The following SLC18A1 variants were observed in gnomAD, a reference collection of about 807,000 sequenced individuals.
The protein encoded by SLC18A1 is chromaffin granule amine transporter.
In SLC18A1, 69 loss-of-function variants were observed where a neutral mutation model predicts 53.7. The ratio of observed to expected loss-of-function variants is 1.28; its 90% CI spans 1.06 to 1.57. The LOEUF (loss-of-function observed/expected upper bound fraction) is 1.57. Ranked by LOEUF, SLC18A1 falls within the 40% of genes most tolerant of loss-of-function variation. SLC18A1 has a pLI of 0.00. For missense variants in SLC18A1, 932 were observed against 668.1 expected, an observed-to-expected ratio of 1.40 and a Z score of -4.35; for synonymous variants, 320 against 248.1, an observed-to-expected ratio of 1.29 and a Z score of -2.72.
intron 10 of SLC18A1, among the ~76,000 whole-genome samples, chr8:20,163,091 A>C (rs2071869910): frequency 6.6e-6 from 1 of 152,202 alleles, no homozygotes; most frequent in Non-Finnish European, 1.5e-5. Context: ...TAAGAAGTTC[A>C]AAGGCAAGCC....
rs745428227 is a variant in SLC18A1 at position 20,147,293 on chromosome 8, A to G, written c.1429T>C (p.Tyr477His). 6.2e-7 allele frequency: 1 copy of G among 1,612,452 alleles called. No homozygotes were observed. Among genetic ancestry groups the G allele is most frequent in the Non-Finnish European group, 8.5e-7 (1 of 1,179,508 alleles). Residue 477 changes from tyrosine (Y) to histidine (H), a missense_variant, in exon 15 of 16, where the codon TAC becomes CAC. Physicochemically the swap from Tyr to His is moderately conservative, Grantham distance 83. Coordinates refer to ENST00000276373, the MANE Select transcript of SLC18A1 (RefSeq NM_003053.4). The part of the protein sequence containing the change: ...INIVYAPLCY[Y>H]LRSPPAKEEK... Reference sequence around the variant, plus strand: ...TCCTTTGCCGGGGGGCTCCGCAGGTAGTAGCAGAGTGGAGCATAGACGATG... The same window carrying G: ...TCCTTTGCCGGGGGGCTCCGCAGGTGGTAGCAGAGTGGAGCATAGACGATG...
intron 10 of SLC18A1, among the ~76,000 whole-genome samples, chr8:20,155,805 C>T (rs1222046895): frequency 6.6e-6 from 1 of 152,184 alleles, no homozygotes; most frequent in Non-Finnish European, 1.5e-5. Flanking sequence ...TGTCCTTAGG[C>T]ACCAAGGCTA....
chr8:20,150,378 G>A (rs1327686055), intron 11 of SLC18A1, among the ~76,000 whole-genome samples: 1 of 152,084 alleles, frequency 6.6e-6, no homozygotes, highest in Admixed American at 6.5e-5. Context: ...TCTCTGTTGT[G>A]GTTATTTTAT....
At chr8:20,159,381 C>T (rs2071760936) in intron 10 of SLC18A1, among the ~76,000 whole-genome samples, 1 of 152,170 alleles carries the variant, frequency 6.6e-6, no homozygotes, top group South Asian at 2.1e-4. Flanking sequence ...ACCACACCCA[C>T]CTTTAAACAA....
At chr8:20,166,841 T>C (rs1342735121) in intron 8 of SLC18A1, among the ~76,000 whole-genome samples, 1 of 151,996 alleles carries the variant, frequency 6.6e-6, no homozygotes, top group East Asian at 1.9e-4. Context: ...TGAAAAACTG[T>C]TTTCCTTATA....
intron 8 of SLC18A1, among the ~76,000 whole-genome samples, chr8:20,168,291 C>G (rs1429860233): frequency 6.6e-6 from 1 of 151,648 alleles, no homozygotes; most frequent in Non-Finnish European, 1.5e-5. Flanking sequence ...CACTTGAACC[C>G]AAGAGTTGGA....
rs772194244 is a variant in SLC18A1, at chr8:20,178,434, C to G, written c.547+1G>C. The G allele has an allele frequency of 7.9e-5, 127 of 1,608,772 alleles. No individual in the cohort carries two copies. The Admixed American group carries it at 2.1e-3, about 27-fold the overall frequency. ...AAGAAAAGAGGAAGCAAATTACTTA[C>G]TAACTGTGGAGAGAAACATGATAAC... On this transcript the variant is annotated splice_donor_variant, in intron 4 of 15. Coordinates refer to ENST00000276373, the MANE Select transcript of SLC18A1 (RefSeq NM_003053.4). LOFTEE classifies it high-confidence loss of function.
chr8:20,172,400 A>T (rs151007499), intron 6 of SLC18A1, among the ~76,000 whole-genome samples: 63 of 152,312 alleles, frequency 4.1e-4, no homozygotes, highest in South Asian at 1.2e-3. Context: ...ATGAGCTTGT[A>T]AGCTCCTAGA....
chr8:20,162,163 G>C (rs1175406121), intron 10 of SLC18A1, among the ~76,000 whole-genome samples: 1 of 152,210 alleles, frequency 6.6e-6, no homozygotes, highest in African/African-American at 2.4e-5. Flanking sequence ...GTCCCAAGGT[G>C]GTCCTGGGCA....
chr8:20,174,683 C>CA (rs1384120923), intron 4 of SLC18A1, among the ~76,000 whole-genome samples: 1 of 152,170 alleles, frequency 6.6e-6, no homozygotes, highest in African/African-American at 2.4e-5. Context: ...CACCACACAG[C>CA]AGATGGAAGG....
At chr8:20,174,582 G>T in intron 4 of SLC18A1, 138 bp from the exon 5 acceptor site, 4 of 617,556 alleles carry the variant, frequency 6.5e-6, no homozygotes, top group Non-Finnish European at 1.2e-5. Context: ...ACTGTTCCCT[G>T]TTTTTTGAGT....
chr8:20,147,377 C>T lies in SLC18A1; in HGVS notation c.1345G>A (p.Gly449Ser). ...AAACCGATGGCCTTTACAATGGCAC[C>T]ACCGGTGGATGGACCTGGGAGGGAT... is the stretch of plus-strand genomic sequence containing the variant. ...MGFAIGPSTG[G>S]AIVKAIGFPW... is the part of the protein sequence containing the mutation. Residue 449 changes from glycine (G) to serine (S), a missense_variant, in exon 15 of 16, where the codon GGT becomes AGT. Gly to Ser is a moderately conservative substitution (Grantham distance 56, BLOSUM62 0). Transcript: ENST00000276373. 1 of 1,610,484 alleles carries T rather than the reference C, an allele frequency of 6.2e-7. No homozygotes were observed. The highest frequency in any genetic ancestry group is 8.5e-7 in the Non-Finnish European group (1 of 1,178,806).
intron 8 of SLC18A1, among the ~76,000 whole-genome samples, chr8:20,167,682 A>G (rs2072003567): frequency 1.3e-5 from 2 of 151,968 alleles, no homozygotes; most frequent in African/African-American, 2.4e-5. Context: ...GTGCAGTGGC[A>G]TGATCTTGGC....
intron 8 of SLC18A1, among the ~76,000 whole-genome samples, chr8:20,168,438 T>C (rs1002725891): frequency 6.6e-6 from 1 of 152,134 alleles, no homozygotes; most frequent in African/African-American, 2.4e-5. Flanking sequence ...ACACTGATAA[T>C]ATCAGATAAA....
At chr8:20,158,647 G>C (rs1381649869) in intron 10 of SLC18A1, among the ~76,000 whole-genome samples, 1 of 152,150 alleles carries the variant, frequency 6.6e-6, no homozygotes, top group African/African-American at 2.4e-5. Context: ...CTATGCAACA[G>C]CCCCTGCAGT....
rs758129227 is a variant in SLC18A1, at chr8:20,171,424, G to A, written c.795C>T (p.Phe265=). 1.5e-5 allele frequency: 24 copies of A among 1,614,000 alleles called. No homozygotes were observed. The South Asian group carries it at 2.0e-4, about 13-fold the overall frequency. The change falls in exon 7 of 16, where the codon TTC becomes TTT. Residue 265 remains phenylalanine (F), a synonymous_variant. Coordinates refer to ENST00000276373, the MANE Select transcript of SLC18A1 (RefSeq NM_003053.4). ...GKSAPFLILA[F]LALLDGALQL... ...ACTTACCTCCATCCAGTAGTGCCAG[G>A]AAGGCCAGGATGAGGAAGGGTGCAG...
intron 4 of SLC18A1, chr8:20,175,818 A>G (rs1563767832): frequency 6.6e-6 from 1 of 152,120 alleles, no homozygotes; most frequent in Non-Finnish European, 1.5e-5. Flanking sequence ...AGACATGATC[A>G]CACCGAACTT....
intron 10 of SLC18A1, among the ~76,000 whole-genome samples, chr8:20,159,634 C>CAAAAAAAAAAAAAAAAAAAAAAAAAAA (rs200123466): frequency 1.1e-4 from 9 of 81,532 alleles, no homozygotes; most frequent in Admixed American, 5.4e-4. Flanking sequence ...TTGCAGCTGC[C>CAAAAAAAAAAAAAAAAAAAAAAAAAAA]AAAAAAAAAA....
At chr8:20,171,218 T>G (rs560657844) in intron 7 of SLC18A1, 72 bp from the exon 8 acceptor site, 2 of 1,497,862 alleles carry the variant, frequency 1.3e-6, no homozygotes, top group African/African-American at 1.4e-5. Context: ...ACAGCTGTAG[T>G]GCTACCACCC....
Sources: gnomAD v4.1 joint callset for allele counts (sites outside exome capture counted in the v4.1 genomes callset) on GRCh38, gnomAD v4.1.1 for gene constraint, MANE v1.5 for transcripts, NCBI Gene and HGNC (gene_info 2026-07-23, HGNC 2026-07-21) for gene names.